Variants in FNBP1 observed in about 807,000 individuals in gnomAD.
FNBP1 encodes formin binding protein 1.
In FNBP1, 26 loss-of-function variants were observed where a neutral mutation model predicts 90.6. The ratio of observed to expected loss-of-function variants is 0.29; its 90% CI spans 0.21 to 0.40. The LOEUF (loss-of-function observed/expected upper bound fraction) is 0.40. Ranked by LOEUF, FNBP1 falls within the 10% of genes least tolerant of loss-of-function variation. The pLI, the probability that FNBP1 is intolerant of heterozygous loss-of-function variation, is 1.00. For missense variants in FNBP1, 635 were observed against 768.0 expected (o/e 0.83, Z 2.05); for synonymous variants, 260 against 265.2 (o/e 0.98, Z 0.19).
Position 129,984,977 on chromosome 9 carries a change from G to A in FNBP1, c.141-5603C>T, listed in dbSNP as rs559090063. 7.2e-5 allele frequency among the ~76,000 whole-genome samples: 11 copies of A among 152,092 alleles called. No individual in the cohort carries two copies. The South Asian group carries it at 2.1e-3, about 29-fold the overall frequency. On this transcript the variant is annotated intron_variant, in intron 2 of 16. Transcript: ENST00000446176. ...TGTCTTTATCAGCAGCGTGAAAATGGACTAATACAATTAGGGCAATCTTTG... is the reference window on the plus strand; with the variant it reads ...TGTCTTTATCAGCAGCGTGAAAATGAACTAATACAATTAGGGCAATCTTTG...
At chr9:129,943,992 CA>C (rs397936316) in intron 6 of FNBP1, among the ~76,000 whole-genome samples, 3 of 59,920 alleles carry the variant, frequency 5.0e-5, no homozygotes, top group African/African-American at 7.1e-5. Context: ...GACTCCATCT[CA>C]AAAAAAAAAA....
intron 6 of FNBP1, among the ~76,000 whole-genome samples, chr9:129,955,981 A>C (rs1192824933): frequency 6.6e-6 from 1 of 152,032 alleles, no homozygotes; most frequent in Non-Finnish European, 1.5e-5. Context: ...TTTAGCAGCA[A>C]ATTAATGTCT....
intron 1 of FNBP1, among the ~76,000 whole-genome samples, chr9:130,004,620 T>A (rs191522040): frequency 6.6e-6 from 1 of 152,340 alleles, no homozygotes; most frequent in Admixed American, 6.5e-5. Context: ...TTACTAGCAT[T>A]AGCTTCCTCA....
intron 1 of FNBP1, among the ~76,000 whole-genome samples, chr9:130,010,449 G>T (rs2056395531): frequency 6.6e-6 from 1 of 152,124 alleles, no homozygotes; most frequent in Admixed American, 6.6e-5. Context: ...GTAGAGATGG[G>T]GTTTCACCAT....
At chr9:130,053,843 G>C in the FNBP1 span, 23 of 1,282,920 alleles carry the variant, frequency 1.8e-5, no homozygotes, top group Non-Finnish European at 2.5e-5. Flanking sequence ...GCTAGCCGCC[G>C]AGCCCCGCTC....
chr9:129,977,720 T>G (rs1017176316), intron 4 of FNBP1, among the ~76,000 whole-genome samples: 11 of 152,014 alleles, frequency 7.2e-5, no homozygotes, highest in Admixed American at 4.6e-4. Context: ...GCGAACTCCT[T>G]AGCTCAGGTG....
chr9:129,999,710 A>C (rs1214163285), intron 1 of FNBP1, among the ~76,000 whole-genome samples: 1 of 152,204 alleles, frequency 6.6e-6, no homozygotes, highest in African/African-American at 2.4e-5. Flanking sequence ...GTATTTATTC[A>C]TTTAAAAAGA....
intron 16 of FNBP1, 182 bp downstream of exon 16, chr9:129,895,656 A>G (rs1268691391): frequency 1.6e-6 from 2 of 1,270,356 alleles, no homozygotes; most frequent in African/African-American, 1.5e-5. Context: ...AGCCCAAACT[A>G]GACAAGGCAA....
At chr9:129,915,832 C>A (rs2040172249) in intron 11 of FNBP1, 134 bp downstream of exon 11, 1 of 641,724 alleles carries the variant, frequency 1.6e-6, no homozygotes. Context: ...TAAGGAAACA[C>A]CAACAAAAGC....
chr9:130,038,952 C>G (rs146755208), intron 1 of FNBP1, among the ~76,000 whole-genome samples: 84 of 152,208 alleles, frequency 5.5e-4, no homozygotes, highest in African/African-American at 1.8e-3. Flanking sequence ...AAAAGCTGAA[C>G]TAACACTTCA....
chr9:129,912,839 G>C (rs1292666505), intron 11 of FNBP1, among the ~76,000 whole-genome samples: 1 of 152,178 alleles, frequency 6.6e-6, no homozygotes, highest in Admixed American at 6.5e-5. Context: ...CAACACAGAA[G>C]CCATGTGTGG....
Position 129,941,376 on chromosome 9 carries a change from G to A in FNBP1, c.514-11681C>T, listed in dbSNP as rs1000933156. Among the ~76,000 whole-genome samples the A allele has an allele frequency of 4.6e-5, 7 of 152,112 alleles. No homozygotes were observed. The East Asian group carries it at 5.8e-4, about 13-fold the overall frequency. ...TGCACTCCAGCCTGGGCAACAGAGC[G>A]AGACGCCATCTTAAATAAATAAATA... On this transcript the variant is annotated intron_variant, in intron 6 of 16. Coordinates refer to ENST00000446176, the MANE Select transcript of FNBP1 (RefSeq NM_015033.3).
chr9:130,024,610 A>G (rs1255194167), intron 1 of FNBP1, among the ~76,000 whole-genome samples: 1 of 152,112 alleles, frequency 6.6e-6, no homozygotes, highest in Non-Finnish European at 1.5e-5. Flanking sequence ...ACTACTTCCA[A>G]CTTCTCTCTA....
intron 15 of FNBP1, among the ~76,000 whole-genome samples, chr9:129,896,286 C>T (rs906449919): frequency 2.6e-5 from 4 of 152,108 alleles, no homozygotes; most frequent in African/African-American, 9.7e-5. Context: ...CTGGATAAAT[C>T]TTTGGTTCTC....
At chr9:129,932,701 C>A (rs567526681) in intron 6 of FNBP1, among the ~76,000 whole-genome samples, 1 of 152,180 alleles carries the variant, frequency 6.6e-6, no homozygotes, top group Non-Finnish European at 1.5e-5. Flanking sequence ...TTGTTGGTGG[C>A]CTGTTAACTC....
Position 130,041,969 on chromosome 9 carries a change from T to C in FNBP1, c.24+983A>G, listed in dbSNP as rs2059860744. 6.6e-6 allele frequency among the ~76,000 whole-genome samples: 1 copy of C among 152,184 alleles called. No homozygotes were observed. Among genetic ancestry groups the C allele is most frequent in the Admixed American group, 6.5e-5 (1 of 15,276 alleles). ...AGTTCATCCTGGGAAATGGCTCATC[T>C]TGAGGGCATTTCAGTGCAGTAACTG... On this transcript the variant is annotated intron_variant, in intron 1 of 16. Transcript: ENST00000446176. The surrounding 1 kb of genome is among the most constrained non-coding windows in gnomAD (Gnocchi z 4.3).
chr9:129,981,977 T>G (rs532715597), intron 2 of FNBP1, among the ~76,000 whole-genome samples: 2 of 152,348 alleles, frequency 1.3e-5, no homozygotes, highest in South Asian at 4.1e-4. Context: ...ACATGCTTTC[T>G]CTGCTGATAC....
intron 11 of FNBP1, among the ~76,000 whole-genome samples, chr9:129,909,998 C>T (rs942136129): frequency 1.3e-5 from 2 of 152,206 alleles, no homozygotes; most frequent in African/African-American, 2.4e-5. Context: ...GGTTTTTAAT[C>T]TGTCAGAAGA....
intron 1 of FNBP1, among the ~76,000 whole-genome samples, chr9:129,996,018 T>G (rs1327936215): frequency 6.6e-6 from 1 of 152,142 alleles, no homozygotes; most frequent in Non-Finnish European, 1.5e-5. Context: ...AGTGGCCGGT[T>G]GGACGTGGAG....
Sources: allele counts gnomAD v4.1 joint callset (sites outside exome capture counted in the v4.1 genomes callset), GRCh38; gene constraint gnomAD v4.1.1; non-coding constraint Gnocchi (gnomAD v3.1); transcripts MANE v1.5; gene names NCBI Gene and HGNC (gene_info 2026-07-23, HGNC 2026-07-21).